Variants in ALPG observed in about 807,000 individuals in gnomAD.
ALPG encodes the protein alkaline phosphatase, germ cell, also known as alkaline phosphatase, germ cell type.
ALPG carries 32 observed loss-of-function variants against 48.6 expected under a neutral mutation model. The ratio of observed to expected loss-of-function variants is 0.66; its 90% confidence interval spans 0.50 to 0.88. ALPG has a LOEUF of 0.88. ALPG is among the 40% of genes least tolerant of loss of function. The pLI is 0.00. For missense variants in ALPG, 533 were observed against 718.1 expected, an observed-to-expected ratio of 0.74 and a Z score of 2.95; for synonymous variants, 244 against 308.9, an observed-to-expected ratio of 0.79 and a Z score of 2.20.
chr2:232,409,223 G>C lies in ALPG; in HGVS notation c.1184-109G>C. On this transcript the variant is annotated intron_variant, in intron 9 of 10. Coordinates refer to ENST00000295453, the MANE Select transcript of ALPG (RefSeq NM_031313.3). Reference sequence around the variant, plus strand: ...GTAATGCTGGCACCAGCCCTGTAGGGTCTCCTGCGGACTAAGCCCCTGACC... The same window carrying C: ...GTAATGCTGGCACCAGCCCTGTAGGCTCTCCTGCGGACTAAGCCCCTGACC... The C allele has an allele frequency of 2.5e-6, 4 of 1,598,778 alleles. No homozygotes were observed. In the South Asian group the frequency reaches 3.3e-5, roughly 13 times the overall value.
chr2:232,409,550 A>G (rs1183408476), intron 10 of ALPG, 24 bp from the exon 11 acceptor site: 8 of 1,612,258 alleles, frequency 5.0e-6, no homozygotes, highest in Non-Finnish European at 6.8e-6. Flanking sequence ...GAAACTTCCT[A>G]CTGAAACTGA....
intron 9 of ALPG, 102 bp from the exon 10 acceptor site, chr2:232,409,230 G>A: frequency 6.2e-7 from 1 of 1,603,060 alleles, no homozygotes; most frequent in Non-Finnish European, 8.5e-7. Flanking sequence ...AGGGTCTCCT[G>A]CGGACTAAGC....
intron 1 of ALPG, 42 bp downstream of exon 1, chr2:232,407,003 C>T: frequency 6.2e-7 from 1 of 1,613,360 alleles, no homozygotes; most frequent in South Asian, 1.1e-5. Flanking sequence ...CACACACACA[C>T]ACAGGGCACC....
At position 232,406,967 on chromosome 2, in the gene ALPG, G is replaced by A. The variant is rs1697090278; in HGVS notation, c.67+6G>A. 4 of 1,610,218 alleles carry A rather than the reference G, an allele frequency of 2.5e-6. No individual in the cohort carries two copies. The highest frequency in any genetic ancestry group is 3.4e-6 in the Non-Finnish European group (4 of 1,179,144). On this transcript the variant is annotated splice_donor_region_variant and intron_variant, in intron 1 of 10. Transcript: ENST00000295453. ...CTCCCTGGGCATCATCCCAGGTAAT[G>A]AGGCTCCCCCAGCTGCCCCTACACA...
intron 10 of ALPG, 30 bp downstream of exon 10, chr2:232,409,478 G>A: frequency 6.3e-7 from 1 of 1,597,572 alleles, no homozygotes; most frequent in Non-Finnish European, 8.5e-7. Flanking sequence ...CCCCTGAGGG[G>A]GACCAGGGTG....
At position 232,407,984 on chromosome 2, in the gene ALPG, C is replaced by A; in HGVS notation, c.615C>A (p.Ile205=). The change falls in exon 5 of 11, where the codon ATC becomes ATA. Residue 205 remains isoleucine (I), a synonymous_variant. Coordinates refer to ENST00000295453, the MANE Select transcript of ALPG (RefSeq NM_031313.3). Reference sequence around the variant, plus strand: ...CCCGCCAGGAGGGGTGCCAGGACATCGCCACGCAGCTCATCTCCAACATGG... The same window carrying A: ...CCCGCCAGGAGGGGTGCCAGGACATAGCCACGCAGCTCATCTCCAACATGG... The part of the protein sequence containing the change: ...ASARQEGCQD[I]ATQLISNMDI... 6.2e-7 allele frequency: 1 copy of A among 1,612,744 alleles called. No homozygotes were observed. Among genetic ancestry groups the A allele is most frequent in the Non-Finnish European group, 8.5e-7 (1 of 1,179,740 alleles).
Position 232,409,856 on chromosome 2 carries a change from C to T in ALPG, c.1583C>T (p.Thr528Met), listed in dbSNP as rs749907696. 1.9e-6 allele frequency: 3 copies of T among 1,575,974 alleles called. No individual in the cohort carries two copies. The highest frequency in any genetic ancestry group is 1.3e-5 in the African/African-American group (1 of 74,356). ...LLAGTLLLLG[T>M]ATAP ...GCAGGGACCTTGCTGCTGCTGGGGA[C>T]GGCCACTGCTCCCTGAGTGTCCCGT... The change falls in exon 11 of 11, where the codon ACG (threonine) becomes ATG (methionine). Residue 528 changes from threonine to methionine, a missense_variant. Coordinates refer to ENST00000295453, the MANE Select transcript of ALPG (RefSeq NM_031313.3).
chr2:232,409,785 C>T lies in ALPG; in HGVS notation c.1512C>T (p.Ala504=), dbSNP rs1697156947. Reference sequence around the variant, plus strand: ...CGCCCCGCGCCGGCACCACCGACGCCGCGCACCCGGGGCCGTCCGTGGTCC... The same window carrying T: ...CGCCCCGCGCCGGCACCACCGACGCTGCGCACCCGGGGCCGTCCGTGGTCC... ...DLAPRAGTTD[A]AHPGPSVVPA... Residue 504 remains alanine (A), a synonymous_variant, in exon 11 of 11, where the codon GCC becomes GCT. Transcript: ENST00000295453. 5 of 1,602,456 alleles carry T rather than the reference C, an allele frequency of 3.1e-6. No homozygotes were observed. Among genetic ancestry groups the T allele is most frequent in the South Asian group, 2.2e-5 (2 of 90,222 alleles).
intron 3 of ALPG, 32 bp from the exon 4 acceptor site, chr2:232,407,562 C>T: frequency 6.2e-7 from 1 of 1,612,922 alleles, no homozygotes; most frequent in Non-Finnish European, 8.5e-7. Flanking sequence ...TTGTCTGCCC[C>T]AGAGAAGAGC....
Position 232,410,118 on chromosome 2 carries a change from GC to G in ALPG, c.*248del, listed in dbSNP as rs534611818. ...GACTGGGGATTTGTGCCTGGCAGCT[GC>G]CTGCATTTCAGGAAAAGAGGAGGCT... On this transcript the variant is annotated 3_prime_UTR_variant, in exon 11 of 11. Transcript: ENST00000295453. 3.4e-4 allele frequency: 214 copies of G among 625,576 alleles called. 1 individual carries two copies. In the African/African-American group the frequency reaches 3.6e-3, roughly 10 times the overall value. The allele number at this position is 625,576 out of a possible 1,614,324, so 38.8% of individuals were successfully genotyped here.
chr2:232,407,372 G>T lies in ALPG; in HGVS notation c.271G>T (p.Asp91Tyr). The change falls in exon 3 of 11, where the codon GAC (aspartate) becomes TAC (tyrosine). Residue 91 changes from aspartate to tyrosine, a missense_variant. Physicochemically the swap from Asp to Tyr is radical, Grantham distance 160. Around this residue, in one of 6 missense-constraint regions of ALPG, gnomAD observed 315 missense variants for 305.8 expected, o/e 1.03. Transcript: ENST00000295453. Reference protein sequence around the residue: ...KLGPETFLAMDRFPYVALSKT... With the variant: ...KLGPETFLAMYRFPYVALSKT... ...GGGGCCTGAGACCTTCCTGGCCATG[G>T]ACCGCTTCCCGTACGTGGCTCTGTC... The T allele has an allele frequency of 1.2e-6, 2 of 1,613,896 alleles. No homozygotes were observed. The highest frequency in any genetic ancestry group is 2.2e-5 in the South Asian group (2 of 90,950).
rs1254246914 is a variant in ALPG, at chr2:232,409,372, G to C, written c.1224G>C (p.Thr408=). Residue 408 remains threonine, a synonymous_variant, in exon 10 of 11, where the codon ACG becomes ACC. Transcript: ENST00000295453. ...PGKARDRKAY[T]VLLYGNGPGY... ...AGGCCCGGGACAGGAAGGCCTACAC[G>C]GTCCTCCTATACGGAAACGGTCCAG... The C allele has an allele frequency of 6.3e-7, 1 of 1,591,890 alleles. No individual in the cohort carries two copies.
At position 232,409,746 on chromosome 2, in the gene ALPG, C is replaced by G. The variant is rs377425041; in HGVS notation, c.1473C>G (p.Thr491=). 1.4e-5 allele frequency: 22 copies of G among 1,609,126 alleles called. No homozygotes were observed. The highest frequency in any genetic ancestry group is 1.7e-5 in the Admixed American group (1 of 59,752). The stretch of plus-strand genomic sequence containing the variant: ...TCGCCGCCTGCCTGGAGCCCTACAC[C>G]GCCTGCGACCTGGCGCCCCGCGCCG... The part of the protein sequence containing the change: ...MAFAACLEPY[T]ACDLAPRAGT... The change falls in exon 11 of 11, where the codon ACC becomes ACG. Residue 491 remains threonine (T), a synonymous_variant. Transcript: ENST00000295453.
chr2:232,409,614 C>T lies in ALPG; in HGVS notation c.1341C>T (p.Asp447=), dbSNP rs141708728. The change falls in exon 11 of 11, where the codon GAC becomes GAT. Residue 447 remains aspartate (D), a synonymous_variant. Transcript: ENST00000295453. ...GGCAGCAGTCAGCAGTGCCCCTGGA[C>T]GGAGAGACCCACGCAGGCGAGGACG... The part of the protein sequence containing the change: ...EYRQQSAVPL[D]GETHAGEDVA... 7.4e-6 allele frequency: 12 copies of T among 1,612,674 alleles called. No homozygotes were observed. Among genetic ancestry groups the T allele is most frequent in the African/African-American group, 1.3e-5 (1 of 74,914 alleles).
rs1697164574 is a variant in ALPG at position 232,410,194 on chromosome 2, C to T, written c.*322C>T. ...TCCTGAGGTGGATCAGGCAGGCTCT[C>T]TCCCCGGGGACATGAGGCACCCATA... On this transcript the variant is annotated 3_prime_UTR_variant, in exon 11 of 11. Transcript: ENST00000295453. 4.3e-6 allele frequency: 2 copies of T among 459,838 alleles called. No individual in the cohort carries two copies. Among genetic ancestry groups the T allele is most frequent in the Non-Finnish European group, 7.7e-6 (2 of 259,336 alleles). The allele number at this position is 459,838 out of a possible 1,614,324, so 28.5% of individuals were successfully genotyped here.
rs1183920297 is a variant in ALPG at position 232,407,496 on chromosome 2, T to C, written c.300+95T>C. 5 of 1,591,314 alleles carry C rather than the reference T, an allele frequency of 3.1e-6. No homozygotes were observed. The African/African-American group carries it at 5.4e-5, about 17-fold the overall frequency. On this transcript the variant is annotated intron_variant, in intron 3 of 10. Transcript: ENST00000295453. The stretch of plus-strand genomic sequence containing the variant: ...GGGAGGGACCCTAAACAGCTGGGGC[T>C]CCAATAAGGAGCTGGAGGCAGTTGG...
chr2:232,407,883 C>T lies in ALPG; in HGVS notation c.514C>T (p.His172Tyr). Residue 172 changes from histidine (H) to tyrosine (Y), a missense_variant, in exon 5 of 11, where the codon CAT becomes TAT. This residue lies in a region of ALPG where 315 missense variants were observed against 305.8 expected (regional missense o/e 1.03). Coordinates refer to ENST00000295453, the MANE Select transcript of ALPG (RefSeq NM_031313.3). ...AGTGGTAACCACCACACGGGTGCAG[C>T]ATGCCTCGCCAGCCGGCGCCTACGC... ...VGVVTTTRVQ[H>Y]ASPAGAYAHT... 1.9e-6 allele frequency: 3 copies of T among 1,613,490 alleles called. No homozygotes were observed. The highest frequency in any genetic ancestry group is 2.5e-6 in the Non-Finnish European group (3 of 1,180,018).
chr2:232,408,249 C>T lies in ALPG; in HGVS notation c.649-18C>T, dbSNP rs776900149. 19 of 1,613,188 alleles carry T rather than the reference C, an allele frequency of 1.2e-5. No individual in the cohort carries two copies. The East Asian group carries it at 3.3e-4, about 28-fold the overall frequency. On this transcript the variant is annotated intron_variant, in intron 5 of 10. Coordinates refer to ENST00000295453, the MANE Select transcript of ALPG (RefSeq NM_031313.3). The stretch of plus-strand genomic sequence containing the variant: ...CAGCCAGGCCCCCAAATCCACCTGC[C>T]CCATCCTCTGTTCCCAGGTGATCCT...
rs769557579 is a variant in ALPG at position 232,408,019 on chromosome 2, T to G, written c.648+2T>G. 8.7e-6 allele frequency: 14 copies of G among 1,607,546 alleles called. No homozygotes were observed. The highest frequency in any genetic ancestry group is 5.6e-5 in the South Asian group (5 of 89,702). On this transcript the variant is annotated splice_donor_variant, in intron 5 of 10. Transcript: ENST00000295453. LOFTEE classifies it high-confidence loss of function. ...CTCATCTCCAACATGGACATTGATGTGCGACCCCCGGGCCAAGGGCTGGGG... is the reference window on the plus strand; with the variant it reads ...CTCATCTCCAACATGGACATTGATGGGCGACCCCCGGGCCAAGGGCTGGGG...
Sources: allele counts gnomAD v4.1 joint callset, GRCh38; gene constraint gnomAD v4.1.1; regional missense constraint gnomAD v4.1.1; transcripts MANE v1.5; gene names NCBI Gene and HGNC (gene_info 2026-07-23, HGNC 2026-07-21).